The following ATP10B variants were observed in gnomAD, a reference collection of about 807,000 sequenced individuals.
The protein encoded by ATP10B is phospholipid-transporting ATPase VB.
Under a neutral mutation model 141.2 loss-of-function variants are expected in ATP10B, and 122 were observed. That is an observed-to-expected ratio of 0.86 (90% confidence interval 0.75 to 1.00). ATP10B has a LOEUF of 1.00. ATP10B is among the 50% of genes least tolerant of loss of function. The probability of loss-of-function intolerance (pLI) is 0.00; values close to 1 mark genes in which losing one functional copy is unlikely to be tolerated. For missense variants in ATP10B, 1,876 were observed against 1,825.3 expected, an observed-to-expected ratio of 1.03 and a Z score of -0.51; for synonymous variants, 685 against 692.0, an observed-to-expected ratio of 0.99 and a Z score of 0.16.
At chr5:160,818,547 G>T (rs1773860716) in intron 1 of ATP10B, among the ~76,000 whole-genome samples, 2 of 152,216 alleles carry the variant, frequency 1.3e-5, no homozygotes, top group South Asian at 2.1e-4. Flanking sequence ...TTACACTGTT[G>T]GTGGGACTGT....
At chr5:160,686,474 T>C (rs548497482) in intron 5 of ATP10B, among the ~76,000 whole-genome samples, 18 of 152,306 alleles carry the variant, frequency 1.2e-4, no homozygotes, top group African/African-American at 4.1e-4. Flanking sequence ...CAGGTGGTGT[T>C]TGGTTACATG....
intron 24 of ATP10B, among the ~76,000 whole-genome samples, chr5:160,576,015 T>C (rs1232560849): frequency 6.6e-6 from 1 of 152,210 alleles, no homozygotes; most frequent in Non-Finnish European, 1.5e-5. Flanking sequence ...TCCAAACAAC[T>C]GGCTCAGCAA....
At chr5:160,642,251 A>C (rs1333684073) in intron 9 of ATP10B, among the ~76,000 whole-genome samples, 1 of 152,152 alleles carries the variant, frequency 6.6e-6, no homozygotes, top group Non-Finnish European at 1.5e-5. Flanking sequence ...TGGTGTATGA[A>C]GTGGGAAAAT....
At chr5:160,628,295 C>G (rs1319079119) in intron 13 of ATP10B, among the ~76,000 whole-genome samples, 1 of 152,220 alleles carries the variant, frequency 6.6e-6, no homozygotes, top group Non-Finnish European at 1.5e-5. Flanking sequence ...TGGGTCCCCC[C>G]ACCCCGATTT....
At chr5:160,753,599 G>C (rs895837272) in intron 2 of ATP10B, among the ~76,000 whole-genome samples, 2 of 152,152 alleles carry the variant, frequency 1.3e-5, no homozygotes, top group African/African-American at 4.8e-5. Flanking sequence ...GCAGGAGGGA[G>C]AAGTTGTTTA....
chr5:160,719,122 C>T lies in ATP10B; in HGVS notation c.-330-2088G>A, dbSNP rs551155441. ...TTTTACCATTAAAAGTAATGGCGGC[C>T]GGGCACGGTGGCTCACGCCTGTAAT... On this transcript the variant is annotated intron_variant, in intron 2 of 25. Coordinates refer to ENST00000327245, the MANE Select transcript of ATP10B (RefSeq NM_025153.3). Among the ~76,000 whole-genome samples, 12 of 152,234 alleles carry T rather than the reference C, an allele frequency of 7.9e-5. No individual in the cohort carries two copies. In the South Asian group the frequency reaches 2.3e-3, roughly 29 times the overall value.
At chr5:160,593,278 A>C (rs1756449082) in intron 22 of ATP10B, among the ~76,000 whole-genome samples, 1 of 152,222 alleles carries the variant, frequency 6.6e-6, no homozygotes, top group Non-Finnish European at 1.5e-5. Flanking sequence ...GCTGTTCTGC[A>C]GCCACTGCTG....
intron 2 of ATP10B, among the ~76,000 whole-genome samples, chr5:160,760,236 TAGC>T (rs143698747): frequency 3.9e-5 from 6 of 152,334 alleles, no homozygotes; most frequent in African/African-American, 1.4e-4. Flanking sequence ...ACACTTGTAA[TAGC>T]AGGCTTGTAG....
At position 160,565,357 on chromosome 5, in the gene ATP10B, G is replaced by T; in HGVS notation, c.*96C>A. The stretch of plus-strand genomic sequence containing the variant: ...GTTGTTGAAGAAAAGAATAAGACTG[G>T]CACATTGTTTCCTCTATGAAGAAGA... On this transcript the variant is annotated 3_prime_UTR_variant, in exon 26 of 26. Coordinates refer to ENST00000327245, the MANE Select transcript of ATP10B (RefSeq NM_025153.3). The T allele has an allele frequency of 2.4e-6, 3 of 1,243,864 alleles. No individual in the cohort carries two copies. The highest frequency in any genetic ancestry group is 3.4e-6 in the Non-Finnish European group (3 of 875,012). The allele number at this position is 1,243,864 out of a possible 1,614,324, so 77.1% of individuals were successfully genotyped here.
rs1766782553 is a variant in ATP10B at position 160,732,050 on chromosome 5, A to C, written c.-330-15016T>G. Among the ~76,000 whole-genome samples the C allele has an allele frequency of 1.3e-5, 2 of 152,202 alleles. 1 individual carries two copies. Among genetic ancestry groups the C allele is most frequent in the African/African-American group, 4.8e-5 (2 of 41,446 alleles). On this transcript the variant is annotated intron_variant, in intron 2 of 25. Coordinates refer to ENST00000327245, the MANE Select transcript of ATP10B (RefSeq NM_025153.3). The stretch of plus-strand genomic sequence containing the variant: ...GACCATTAACTCAGGCCAATACAAA[A>C]AAGTGACCTAGATGTTGGAATTAAT...
At chr5:160,903,439 G>A in the ATP10B span, among the ~76,000 whole-genome samples, 1 of 152,144 alleles carries the variant, frequency 6.6e-6, no homozygotes, top group East Asian at 1.9e-4. Flanking sequence ...AACACATTTT[G>A]TCTGCACTGG....
the ATP10B span, among the ~76,000 whole-genome samples, chr5:160,879,460 G>C: frequency 7.2e-6 from 1 of 138,108 alleles, no homozygotes; most frequent in East Asian, 2.2e-4. Context: ...TGGGTGCAGC[G>C]CACCAGCATG....
At chr5:160,891,487 G>T in the ATP10B span, among the ~76,000 whole-genome samples, 477 of 152,144 alleles carry the variant, frequency 3.1e-3, 5 homozygotes, top group African/African-American at 0.011. Context: ...ACAGAGTCTC[G>T]CTCCGTCACC....
At chr5:160,780,701 C>G (rs1228016710) in intron 2 of ATP10B, among the ~76,000 whole-genome samples, 2 of 152,094 alleles carry the variant, frequency 1.3e-5, no homozygotes, top group Admixed American at 6.6e-5. Flanking sequence ...TCAATAGATA[C>G]TTTTAGATTC....
At position 160,622,471 on chromosome 5, in the gene ATP10B, A is replaced by T. The variant is rs1248160443; in HGVS notation, c.1735T>A (p.Ser579Thr). 3.7e-6 allele frequency: 6 copies of T among 1,614,114 alleles called. No homozygotes were observed. The highest frequency in any genetic ancestry group is 3.3e-5 in the Admixed American group (2 of 60,022). ...AAGGCAAGGAAGAAATCAGCAATGG[A>T]GGAGGTGGTGGAGAGGGAAGCCTTG... ...PAKASLSTTS[S>T]IADFFLALTI... Residue 579 changes from serine (S) to threonine (T), a missense_variant, in exon 14 of 26, where the codon TCC becomes ACC. Coordinates refer to ENST00000327245, the MANE Select transcript of ATP10B (RefSeq NM_025153.3).
chr5:160,898,780 T>C, the ATP10B span, among the ~76,000 whole-genome samples: 632 of 152,122 alleles, frequency 4.2e-3, 2 homozygotes, highest in African/African-American at 0.014. Flanking sequence ...ATAAAGAAAA[T>C]GTGGCACATA....
At chr5:160,900,196 T>C in the ATP10B span, among the ~76,000 whole-genome samples, 1 of 152,208 alleles carries the variant, frequency 6.6e-6, no homozygotes, top group Non-Finnish European at 1.5e-5. Flanking sequence ...CTCCAGGTTA[T>C]GGACAAGACA....
intron 1 of ATP10B, among the ~76,000 whole-genome samples, chr5:160,839,125 T>C (rs535685186): frequency 6.6e-6 from 1 of 152,244 alleles, no homozygotes; most frequent in African/African-American, 2.4e-5. Context: ...TCTTTATAGA[T>C]TACCTAGTCT....
chr5:160,867,807 A>C, the ATP10B span, among the ~76,000 whole-genome samples: 1 of 152,142 alleles, frequency 6.6e-6, no homozygotes, highest in Non-Finnish European at 1.5e-5. Flanking sequence ...TTGATTGGAA[A>C]CTGTTATAAG....
Sources: allele counts gnomAD v4.1 joint callset (sites outside exome capture counted in the v4.1 genomes callset), GRCh38; gene constraint gnomAD v4.1.1; transcripts MANE v1.5; gene names NCBI Gene and HGNC (gene_info 2026-07-23, HGNC 2026-07-21).